USP47: variants seen among roughly 807,000 people sequenced by gnomAD.
The protein encoded by USP47 is ubiquitin carboxyl-terminal hydrolase 47.
Under a neutral mutation model 165.1 loss-of-function variants are expected in USP47, and 35 were observed. The ratio of observed to expected loss-of-function variants is 0.21; its 90% CI spans 0.16 to 0.28. The LOEUF (loss-of-function observed/expected upper bound fraction) is 0.28, where lower values mean the gene tolerates loss of function less well. Ranked by LOEUF, USP47 falls within the 10% of genes least tolerant of loss-of-function variation. USP47 has a pLI of 1.00. For synonymous variants in USP47, 531 were observed against 544.5 expected, an observed-to-expected ratio of 0.98 and a Z score of 0.35; for missense variants, 1,277 against 1,607.4, an observed-to-expected ratio of 0.79 and a Z score of 3.52.
chr11:11,916,809 A>G (rs1853452666), intron 8 of USP47, among the ~76,000 whole-genome samples: 1 of 152,150 alleles, frequency 6.6e-6, no homozygotes, highest in Non-Finnish European at 1.5e-5. Context: ...CTACCTTTTG[A>G]AGGACCTGGA....
At chr11:11,857,990 C>G (rs1431087743) in intron 1 of USP47, among the ~76,000 whole-genome samples, 1 of 152,094 alleles carries the variant, frequency 6.6e-6, no homozygotes, top group East Asian at 1.9e-4. Flanking sequence ...ACTTCAGCCT[C>G]TGATTTGGCA....
intron 11 of USP47, among the ~76,000 whole-genome samples, chr11:11,927,438 G>T (rs182907781): frequency 4.6e-5 from 7 of 152,080 alleles, no homozygotes; most frequent in Non-Finnish European, 1.0e-4. Flanking sequence ...TACATATTAT[G>T]TATGTCTGGT....
chr11:11,860,799 T>C (rs1849336270), intron 1 of USP47, among the ~76,000 whole-genome samples: 1 of 152,210 alleles, frequency 6.6e-6, no homozygotes. Context: ...TTTAGATACC[T>C]ACAGTATATT....
Position 11,902,715 on chromosome 11 carries a change from G to T in USP47, c.594G>T (p.Lys198Asn). The T allele has an allele frequency of 6.6e-7, 1 of 1,525,486 alleles. No homozygotes were observed. The highest frequency in any genetic ancestry group is 8.8e-7 in the Non-Finnish European group (1 of 1,136,568). The allele number at this position is 1,525,486 out of a possible 1,614,324, so 94.5% of individuals were successfully genotyped here. ...CTTTATTAACATTTTATTTTAATAG[G>T]TGGGAATTTGAAGAATCTGAAGAAG... ...MTPEFRNALYKWEFEESEEDP... is the reference protein window; with the variant it reads ...MTPEFRNALYNWEFEESEEDP... The change falls in exon 6 of 28, where the codon AAG becomes AAT. Residue 198 changes from lysine (K) to asparagine (N), a missense_variant and splice_region_variant. Lys to Asn is a moderately conservative substitution (Grantham distance 94). Transcript: ENST00000527733.
intron 3 of USP47, among the ~76,000 whole-genome samples, chr11:11,885,413 C>T (rs1851091918): frequency 6.6e-6 from 1 of 152,094 alleles, no homozygotes; most frequent in South Asian, 2.1e-4. Context: ...CGATGGCCCA[C>T]CCAGGAGAGA....
intron 14 of USP47, 136 bp downstream of exon 14, chr11:11,930,887 G>A: frequency 3.1e-6 from 2 of 636,008 alleles, no homozygotes; most frequent in East Asian, 3.1e-5. Context: ...TATTTACAAA[G>A]ACTGTTACAA....
Position 11,930,088 on chromosome 11 carries a change from A to AAGCAGAGGATATT in USP47, c.1565_1577dup (p.Tyr526Ter). On this transcript the variant is annotated frameshift_variant, in exon 13 of 28. Transcript: ENST00000527733. LOFTEE classifies it high-confidence loss of function. ...AGAAAACACATGGTGGATCTTCAGG[A>AAGCAGAGGATATT]AGCAGAGGATATTATTCTAGTGCTT... The AAGCAGAGGATATT allele has an allele frequency of 6.2e-7, 1 of 1,613,406 alleles. No homozygotes were observed. The highest frequency in any genetic ancestry group is 8.5e-7 in the Non-Finnish European group (1 of 1,179,420).
intron 8 of USP47, among the ~76,000 whole-genome samples, chr11:11,909,290 G>C (rs1277587363): frequency 6.6e-6 from 1 of 151,910 alleles, no homozygotes; most frequent in Non-Finnish European, 1.5e-5. Flanking sequence ...AAATAATTTT[G>C]CTCTTAATGA....
chr11:11,949,974 A>T lies in USP47; in HGVS notation c.3434A>T (p.Glu1145Val). ...SKEELIPQLREQCGLELSIDR... is the reference protein window; with the variant it reads ...SKEELIPQLRVQCGLELSIDR... ...GAGGAATTAATTCCTCAGCTCAGGG[A>T]GCAATGTGGTTTAGAGCTCAGTATT... The change falls in exon 23 of 28, where the codon GAG becomes GTG. Residue 1145 changes from glutamate to valine, a missense_variant. By Grantham distance (121) the Glu-to-Val change is moderately radical. Transcript: ENST00000527733. The T allele has an allele frequency of 6.2e-7, 1 of 1,612,778 alleles. No individual in the cohort carries two copies. Among genetic ancestry groups the T allele is most frequent in the Non-Finnish European group, 8.5e-7 (1 of 1,179,212 alleles).
chr11:11,860,460 T>C (rs894621523), intron 1 of USP47, among the ~76,000 whole-genome samples: 1 of 152,276 alleles, frequency 6.6e-6, no homozygotes, highest in Non-Finnish European at 1.5e-5. Context: ...AAACAAACTT[T>C]AAAAAGTGTT....
chr11:11,881,861 C>T (rs1198427171), intron 2 of USP47, among the ~76,000 whole-genome samples: 2 of 152,074 alleles, frequency 1.3e-5, no homozygotes, highest in African/African-American at 4.8e-5. Flanking sequence ...GGCCCCAACG[C>T]TTAATATCAT....
intron 1 of USP47, among the ~76,000 whole-genome samples, chr11:11,855,943 A>G (rs1849014450): frequency 6.6e-6 from 1 of 152,198 alleles, no homozygotes; most frequent in African/African-American, 2.4e-5. Context: ...TGTGGAAATA[A>G]AGTGGGACCA....
intron 11 of USP47, among the ~76,000 whole-genome samples, chr11:11,927,018 T>G (rs1161813432): frequency 6.6e-6 from 1 of 151,946 alleles, no homozygotes; most frequent in Non-Finnish European, 1.5e-5. Context: ...CAGTTTTCCT[T>G]TTGCTATTGA....
chr11:11,870,799 T>A (rs1463872545), intron 1 of USP47, among the ~76,000 whole-genome samples: 1 of 152,220 alleles, frequency 6.6e-6, no homozygotes, highest in East Asian at 1.9e-4. Flanking sequence ...TTTAATAGTT[T>A]CTTGTGCTGT....
chr11:11,903,387 C>A, intron 7 of USP47, 45 bp downstream of exon 7: 1 of 1,542,980 alleles, frequency 6.5e-7, no homozygotes, highest in Non-Finnish European at 8.9e-7. Flanking sequence ...CCTAATAAAT[C>A]ACTTGTTACC....
chr11:11,855,185 T>C (rs1848966762), intron 1 of USP47, among the ~76,000 whole-genome samples: 2 of 152,156 alleles, frequency 1.3e-5, no homozygotes. Context: ...CTAATGAGGT[T>C]CTGAGAAAAA....
At chr11:11,863,636 A>C (rs1389792607) in intron 1 of USP47, among the ~76,000 whole-genome samples, 1 of 152,188 alleles carries the variant, frequency 6.6e-6, no homozygotes, top group African/African-American at 2.4e-5. Flanking sequence ...AGTAGTATTT[A>C]GGAAATTGGA....
rs1847227604 is a variant in USP47, at chr11:11,956,932, T to C, written c.*757T>C. 6.6e-6 allele frequency: 1 copy of C among 152,214 alleles called. No individual in the cohort carries two copies. Among genetic ancestry groups the C allele is most frequent in the South Asian group, 2.1e-4 (1 of 4,834 alleles). 9.4% of individuals were successfully genotyped at this position (152,214 alleles called of 1,614,324 possible). ...CAGCATGTAAATAAAATTGATCCTG[T>C]TGAGTTATCATAATTGCAGTTCAAC... is the stretch of plus-strand genomic sequence containing the variant. On this transcript the variant is annotated 3_prime_UTR_variant, in exon 28 of 28. Transcript: ENST00000527733.
At chr11:11,875,053 G>A (rs1206568550) in intron 1 of USP47, among the ~76,000 whole-genome samples, 10 of 151,130 alleles carry the variant, frequency 6.6e-5, no homozygotes, top group East Asian at 3.9e-4. Context: ...GTGTGTGTGT[G>A]TGTGTGTGTG....
Sources: allele counts gnomAD v4.1 joint callset (sites outside exome capture counted in the v4.1 genomes callset), GRCh38; gene constraint gnomAD v4.1.1; transcripts MANE v1.5; gene names NCBI Gene and HGNC (gene_info 2026-07-23, HGNC 2026-07-21).